The following GPC6 variants were observed in gnomAD, a reference collection of about 807,000 sequenced individuals.
GPC6 encodes glypican 6.
In GPC6, 14 loss-of-function variants were observed where a neutral mutation model predicts 55.2. The observed-to-expected ratio is 0.25, with a 90% confidence interval of 0.17 to 0.40. GPC6 has a LOEUF of 0.40. Ranked by LOEUF, GPC6 falls within the 10% of genes least tolerant of loss-of-function variation. The pLI, the probability that GPC6 is intolerant of heterozygous loss-of-function variation, is 1.00. For synonymous variants in GPC6, 278 were observed against 259.6 expected, an observed-to-expected ratio of 1.07 and a Z score of -0.68; for missense variants, 641 against 708.5, an observed-to-expected ratio of 0.90 and a Z score of 1.08.
At chr13:93,848,806 A>G (rs1888292250) in intron 3 of GPC6, among the ~76,000 whole-genome samples, 1 of 151,930 alleles carries the variant, frequency 6.6e-6, no homozygotes, top group African/African-American at 2.4e-5. Flanking sequence ...CCCCGCAACC[A>G]ATGTAATTTT....
chr13:94,026,020 T>G (rs1458365003), intron 3 of GPC6, among the ~76,000 whole-genome samples: 1 of 152,146 alleles, frequency 6.6e-6, no homozygotes, highest in Non-Finnish European at 1.5e-5. Context: ...AAAGCAACTG[T>G]AGAAAAACGT....
chr13:93,998,940 A>G (rs893816586), intron 3 of GPC6, among the ~76,000 whole-genome samples: 1 of 152,144 alleles, frequency 6.6e-6, no homozygotes, highest in African/African-American at 2.4e-5. Flanking sequence ...TATTCGTCCT[A>G]TCTCACAGAA....
At chr13:93,280,588 C>T (rs1877917104) in intron 1 of GPC6, among the ~76,000 whole-genome samples, 1 of 152,226 alleles carries the variant, frequency 6.6e-6, no homozygotes, top group South Asian at 2.1e-4. Context: ...GGTGTTTTCA[C>T]ATTGTGCATG....
chr13:93,326,173 T>A (rs545338420), intron 1 of GPC6, among the ~76,000 whole-genome samples: 1 of 152,036 alleles, frequency 6.6e-6, no homozygotes, highest in Admixed American at 6.6e-5. Flanking sequence ...GTAGATGACA[T>A]TGGGTTTTGG....
At chr13:93,621,663 T>G (rs554775540) in intron 2 of GPC6, among the ~76,000 whole-genome samples, 24 of 152,286 alleles carry the variant, frequency 1.6e-4, no homozygotes, top group Admixed American at 1.3e-3. Context: ...AAGTAAATAC[T>G]TTTATAACTA....
intron 1 of GPC6, among the ~76,000 whole-genome samples, chr13:93,321,508 C>T (rs1239911829): frequency 3.3e-5 from 5 of 152,064 alleles, no homozygotes; most frequent in African/African-American, 7.2e-5. Flanking sequence ...CTGATTCCAG[C>T]GTCAAATATA....
intron 3 of GPC6, among the ~76,000 whole-genome samples, chr13:93,938,098 T>C (rs1213270204): frequency 2.6e-5 from 4 of 152,180 alleles, no homozygotes; most frequent in Non-Finnish European, 5.9e-5. Context: ...TTAAGACAGT[T>C]TTCTTGGCAA....
intron 4 of GPC6, among the ~76,000 whole-genome samples, chr13:94,270,313 A>C (rs1891951888): frequency 6.6e-6 from 1 of 152,240 alleles, no homozygotes; most frequent in Admixed American, 6.5e-5. Context: ...AATAGTGCAA[A>C]ATCAGGTAAG....
chr13:94,113,617 A>G (rs766787188), intron 4 of GPC6, among the ~76,000 whole-genome samples: 3 of 152,134 alleles, frequency 2.0e-5, no homozygotes, highest in African/African-American at 7.2e-5. Flanking sequence ...TGCATAAAAT[A>G]TGTAAATGAA....
intron 1 of GPC6, among the ~76,000 whole-genome samples, chr13:93,504,549 T>C (rs1172208208): frequency 6.6e-6 from 1 of 151,080 alleles, no homozygotes; most frequent in African/African-American, 2.4e-5. Flanking sequence ...ACCTGGGTCT[T>C]ATTCATCATT....
At chr13:93,347,358 A>G (rs888399431) in intron 1 of GPC6, among the ~76,000 whole-genome samples, 1 of 152,112 alleles carries the variant, frequency 6.6e-6, no homozygotes, top group African/African-American at 2.4e-5. Context: ...TATCTTCCTG[A>G]TGTTGCAAGA....
chr13:93,556,208 C>A (rs1377148412), intron 2 of GPC6, among the ~76,000 whole-genome samples: 1 of 151,844 alleles, frequency 6.6e-6, no homozygotes, highest in East Asian at 1.9e-4. Flanking sequence ...CAATTATTAT[C>A]CTTTTTCCAT....
At chr13:93,650,472 GA>G (rs973960148) in intron 2 of GPC6, among the ~76,000 whole-genome samples, 1 of 136,964 alleles carries the variant, frequency 7.3e-6, no homozygotes, top group African/African-American at 2.5e-5. Context: ...CAAAGGAATG[GA>G]AAAAAAAAGT....
At chr13:94,132,241 C>G (rs1391243126) in intron 4 of GPC6, among the ~76,000 whole-genome samples, 1 of 152,128 alleles carries the variant, frequency 6.6e-6, no homozygotes, top group Admixed American at 6.6e-5. Flanking sequence ...GTGTTTCCTG[C>G]TTGTTTCTTA....
At chr13:93,346,040 G>A (rs78577114) in intron 1 of GPC6, among the ~76,000 whole-genome samples, 1 of 152,148 alleles carries the variant, frequency 6.6e-6, no homozygotes, top group African/African-American at 2.4e-5. Flanking sequence ...TGGACTACTT[G>A]ATTAAGAAAG....
chr13:94,070,231 G>T (rs959829605), intron 4 of GPC6, among the ~76,000 whole-genome samples: 4 of 151,922 alleles, frequency 2.6e-5, no homozygotes, highest in Non-Finnish European at 5.9e-5. Context: ...ATCAAGTCTT[G>T]TGAGACTTAT....
rs868732200 is a variant in GPC6 at position 93,596,618 on chromosome 13, T to A, written c.319+51197T>A. On this transcript the variant is annotated intron_variant, in intron 2 of 8. Coordinates refer to ENST00000377047, the MANE Select transcript of GPC6 (RefSeq NM_005708.5). Reference sequence around the variant, plus strand: ...AAATAAATAAATAAATAAATATATATATATATATATATATATAATGTATAT... The same window carrying A: ...AAATAAATAAATAAATAAATATATAAATATATATATATATATAATGTATAT... Among the ~76,000 whole-genome samples, 164 of 142,664 alleles carry A rather than the reference T, an allele frequency of 1.1e-3. 1 individual carries two copies. Among genetic ancestry groups the A allele is most frequent in the African/African-American group, 4.2e-3 (154 of 36,626 alleles). The allele number at this position is 142,664 out of a possible 152,430, so 93.6% of individuals were successfully genotyped here.
intron 3 of GPC6, 67 bp downstream of exon 3, chr13:93,830,612 T>TAAAA (rs369020255): frequency 1.5e-3 from 487 of 326,136 alleles, no homozygotes; most frequent in South Asian, 3.6e-3. Flanking sequence ...AACCAATGTT[T>TAAAA]AAAAAAAAAA....
chr13:94,217,041 A>T (rs777137792), intron 4 of GPC6, among the ~76,000 whole-genome samples: 1 of 152,202 alleles, frequency 6.6e-6, no homozygotes, highest in Non-Finnish European at 1.5e-5. Context: ...CCCTGTGCAC[A>T]TTATAGACAC....
Sources: gnomAD v4.1 joint callset for allele counts (sites outside exome capture counted in the v4.1 genomes callset) on GRCh38, gnomAD v4.1.1 for gene constraint, MANE v1.5 for transcripts, NCBI Gene and HGNC (gene_info 2026-07-23, HGNC 2026-07-21) for gene names.